The following SORBS2 variants were observed in gnomAD, a reference collection of about 807,000 sequenced individuals.
SORBS2 encodes the protein sorbin and SH3 domain containing 2, also known as sorbin and SH3 domain-containing protein 2.
SORBS2 carries 46 observed loss-of-function variants against 97.7 expected under a neutral mutation model. The ratio of observed to expected loss-of-function variants is 0.47; its 90% CI spans 0.37 to 0.60. SORBS2 has a LOEUF of 0.60. Ranked by LOEUF, SORBS2 falls within the 20% of genes least tolerant of loss-of-function variation. The probability of loss-of-function intolerance (pLI) is 0.00; values close to 1 mark genes in which losing one functional copy is unlikely to be tolerated. For missense variants in SORBS2, 1,316 were observed against 1,282.3 expected (o/e 1.03, Z -0.40); for synonymous variants, 476 against 473.4 (o/e 1.01, Z -0.07).
intron 4 of SORBS2, among the ~76,000 whole-genome samples, chr4:185,635,979 C>T (rs2153439838): frequency 1.3e-5 from 2 of 150,766 alleles, no homozygotes; most frequent in South Asian, 4.1e-4. Flanking sequence ...CCACCTCAGC[C>T]CCCTGAGTAG....
chr4:185,850,266 C>T (rs943822413), intron 1 of SORBS2, among the ~76,000 whole-genome samples: 1 of 152,200 alleles, frequency 6.6e-6, no homozygotes, highest in African/African-American at 2.4e-5. Flanking sequence ...TTGGGAAAAA[C>T]ACACAACTCC....
chr4:185,668,166 T>C (rs1329742165), intron 4 of SORBS2, among the ~76,000 whole-genome samples: 1 of 152,234 alleles, frequency 6.6e-6, no homozygotes, highest in South Asian at 2.1e-4. Context: ...TGGACTGACT[T>C]GTCCATATCC....
chr4:185,941,008 A>G (rs1462689692), intron 1 of SORBS2, among the ~76,000 whole-genome samples: 2 of 152,170 alleles, frequency 1.3e-5, no homozygotes, highest in Non-Finnish European at 2.9e-5. Context: ...TGCACTGGAC[A>G]GCTGCCCACA....
intron 1 of SORBS2, among the ~76,000 whole-genome samples, chr4:185,797,287 C>T (rs773406933): frequency 3.5e-4 from 53 of 152,214 alleles, no homozygotes; most frequent in Non-Finnish European, 6.8e-4. Context: ...GCCCCGTCAC[C>T]TTAGTTCATG....
intron 2 of SORBS2, among the ~76,000 whole-genome samples, chr4:185,714,111 T>G (rs2098446245): frequency 1.3e-5 from 2 of 152,252 alleles, no homozygotes; most frequent in Admixed American, 1.3e-4. Context: ...ATGGTTGATT[T>G]TCTATCTTAC....
At chr4:185,585,597 T>C (rs2095793431) in exon 15 of SORBS2, 1 of 151,818 alleles carries the variant, frequency 6.6e-6, no homozygotes, top group South Asian at 2.1e-4. Flanking sequence ...GAATTCAAAG[T>C]CAATTACCTG....
chr4:185,609,439 C>T (rs1398128511), intron 12 of SORBS2, among the ~76,000 whole-genome samples: 5 of 152,186 alleles, frequency 3.3e-5, no homozygotes, highest in Admixed American at 6.5e-5. Context: ...TCTGATGCTG[C>T]GACTACGCTG....
At chr4:185,884,373 A>T (rs543410310) in intron 1 of SORBS2, among the ~76,000 whole-genome samples, 2 of 152,310 alleles carry the variant, frequency 1.3e-5, no homozygotes, top group Non-Finnish European at 2.9e-5. Flanking sequence ...TAGTAGGGTG[A>T]TTGGGACTTT....
At chr4:185,860,346 G>A (rs934660371) in intron 1 of SORBS2, among the ~76,000 whole-genome samples, 1 of 152,148 alleles carries the variant, frequency 6.6e-6, no homozygotes, top group Admixed American at 6.5e-5. Flanking sequence ...TGACAATTTC[G>A]ATAATGAGTG....
At chr4:185,905,374 T>C (rs1260018095) in intron 1 of SORBS2, among the ~76,000 whole-genome samples, 2 of 152,212 alleles carry the variant, frequency 1.3e-5, no homozygotes, top group African/African-American at 2.4e-5. Flanking sequence ...CTATTTATGG[T>C]AGTGTTTTAT....
intron 1 of SORBS2, among the ~76,000 whole-genome samples, chr4:185,828,543 A>G (rs991831218): frequency 6.6e-6 from 1 of 152,110 alleles, no homozygotes; most frequent in Non-Finnish European, 1.5e-5. Context: ...TTTCGTTTCT[A>G]TAATACAACA....
intron 12 of SORBS2, among the ~76,000 whole-genome samples, chr4:185,611,498 T>C (rs916033385): frequency 5.9e-5 from 9 of 152,076 alleles, no homozygotes; most frequent in African/African-American, 2.2e-4. Context: ...CAGATATATA[T>C]CATACGAGAC....
At chr4:185,884,941 C>T (rs1041758382) in intron 1 of SORBS2, among the ~76,000 whole-genome samples, 12 of 152,116 alleles carry the variant, frequency 7.9e-5, no homozygotes, top group East Asian at 1.9e-4. Flanking sequence ...GTCAGGCAGC[C>T]GAAGTGGTGG....
At chr4:185,638,186 G>A (rs1561578391) in intron 4 of SORBS2, 24 bp from the exon 15 acceptor site, 5 of 1,416,844 alleles carry the variant, frequency 3.5e-6, no homozygotes, top group Non-Finnish European at 5.0e-6. Flanking sequence ...GAAGGAAAAG[G>A]GAAGGAAAAG....
At chr4:185,924,771 G>A (rs948781943) in intron 1 of SORBS2, among the ~76,000 whole-genome samples, 5 of 152,196 alleles carry the variant, frequency 3.3e-5, no homozygotes, top group African/African-American at 1.2e-4. Context: ...GCCGCACAGC[G>A]AGTTTTCTCT....
intron 4 of SORBS2, among the ~76,000 whole-genome samples, chr4:185,635,719 T>C (rs142516793): frequency 7.8e-4 from 119 of 152,338 alleles, no homozygotes; most frequent in African/African-American, 2.7e-3. Flanking sequence ...CAAGGTAAAT[T>C]AAAGAAACAT....
At chr4:185,914,896 G>T (rs747500382) in intron 1 of SORBS2, among the ~76,000 whole-genome samples, 6 of 152,206 alleles carry the variant, frequency 3.9e-5, no homozygotes, top group Non-Finnish European at 7.3e-5. Flanking sequence ...AATAGGAAAT[G>T]ACTTTATGGG....
intron 1 of SORBS2, among the ~76,000 whole-genome samples, chr4:185,949,531 A>G (rs1345693067): frequency 6.6e-6 from 1 of 151,902 alleles, no homozygotes; most frequent in African/African-American, 2.4e-5. Flanking sequence ...TTGCAACCAC[A>G]CTTTGGAAGA....
chr4:185,941,053 G>T (rs2149998909), intron 1 of SORBS2, among the ~76,000 whole-genome samples: 1 of 152,202 alleles, frequency 6.6e-6, no homozygotes, highest in Non-Finnish European at 1.5e-5. Context: ...AATGTCAGTA[G>T]GATTAAGGTT....
Sources: gnomAD v4.1 joint callset for allele counts (sites outside exome capture counted in the v4.1 genomes callset) on GRCh38, gnomAD v4.1.1 for gene constraint, MANE v1.5 for transcripts, NCBI Gene and HGNC (gene_info 2026-07-23, HGNC 2026-07-21) for gene names.